The following NOS1AP variants were observed in gnomAD, a reference collection of about 807,000 sequenced individuals.
NOS1AP encodes the protein carboxyl-terminal PDZ ligand of neuronal nitric oxide synthase protein.
In NOS1AP, 21 loss-of-function variants were observed where a neutral mutation model predicts 56.2. The ratio of observed to expected loss-of-function variants is 0.37; its 90% CI spans 0.26 to 0.54. The LOEUF (loss-of-function observed/expected upper bound fraction) is 0.54. NOS1AP is among the 20% of genes least tolerant of loss of function. The pLI is 0.84. For synonymous variants in NOS1AP, 270 were observed against 274.6 expected (o/e 0.98, Z 0.17); for missense variants, 522 against 657.8 (o/e 0.79, Z 2.26).
At position 162,261,507 on chromosome 1, in the gene NOS1AP, A is replaced by AG. The variant is rs1436674936; in HGVS notation, c.178-25836dup. On this transcript the variant is annotated intron_variant, in intron 2 of 9. Coordinates refer to ENST00000361897, the MANE Select transcript of NOS1AP (RefSeq NM_014697.3). ...GAGAGAGAGAGAGAGAGAGAGAGAG[A>AG]GAGAGAGAGAGAGAGAGAGAGAGAG... 8.3e-3 allele frequency among the ~76,000 whole-genome samples: 153 copies of AG among 18,414 alleles called. 48 individuals carry two copies. The highest frequency in any genetic ancestry group is 0.016 in the African/African-American group (59 of 3,798). 12.1% of individuals were successfully genotyped at this position (18,414 alleles called of 152,430 possible).
chr1:162,211,224 A>T (rs1652339893), intron 2 of NOS1AP, among the ~76,000 whole-genome samples: 1 of 152,122 alleles, frequency 6.6e-6, no homozygotes. Flanking sequence ...TGAACAAGAG[A>T]AATTTATTTT....
intron 2 of NOS1AP, among the ~76,000 whole-genome samples, chr1:162,223,497 A>G (rs1205797790): frequency 6.6e-6 from 1 of 152,218 alleles, no homozygotes; most frequent in Non-Finnish European, 1.5e-5. Context: ...CAAGCTGAGC[A>G]TAATGTTTGG....
At chr1:162,349,198 GAA>G (rs551039040) in intron 6 of NOS1AP, among the ~76,000 whole-genome samples, 3 of 140,694 alleles carry the variant, frequency 2.1e-5, no homozygotes, top group South Asian at 2.2e-4. Context: ...CAAAAAAGGG[GAA>G]AAAAAAAAAA....
intron 2 of NOS1AP, among the ~76,000 whole-genome samples, chr1:162,195,089 A>C (rs754404657): frequency 5.9e-5 from 9 of 152,060 alleles, no homozygotes; most frequent in Non-Finnish European, 1.2e-4. Flanking sequence ...TTTTTGTAAA[A>C]TCTGCTTTCT....
intron 2 of NOS1AP, among the ~76,000 whole-genome samples, chr1:162,278,844 G>A (rs1355760192): frequency 3.3e-5 from 5 of 152,096 alleles, no homozygotes; most frequent in Non-Finnish European, 5.9e-5. Context: ...AGATTGTAAC[G>A]ATCAAATCAG....
intron 1 of NOS1AP, among the ~76,000 whole-genome samples, chr1:162,144,459 G>A (rs1649368159): frequency 6.6e-6 from 1 of 152,170 alleles, no homozygotes; most frequent in Non-Finnish European, 1.5e-5. Context: ...TTGGTTTTCT[G>A]GTGTTCTTTG....
chr1:162,255,551 G>C (rs1053983395), intron 2 of NOS1AP, among the ~76,000 whole-genome samples: 5 of 110,276 alleles, frequency 4.5e-5, no homozygotes, highest in African/African-American at 1.8e-4. Flanking sequence ...GCATTGCTCT[G>C]AGCTATCCAC....
chr1:162,258,826 A>T (rs1196876504), intron 2 of NOS1AP, among the ~76,000 whole-genome samples: 3 of 152,200 alleles, frequency 2.0e-5, no homozygotes, highest in Non-Finnish European at 2.9e-5. Context: ...TCATCATTAA[A>T]TATTGAGATT....
rs1347047228 is a variant in NOS1AP, at chr1:162,367,444, C to G, written c.1498C>G (p.Leu500Val). Reference sequence around the variant, plus strand: ...GCAGAGGCAGGAACTGGGCGACGGCCTGGATGATGAGATCGCCGTGTAGGT... The same window carrying G: ...GCAGAGGCAGGAACTGGGCGACGGCGTGGATGATGAGATCGCCGTGTAGGT... Reference protein sequence around the residue: ...VLQRQELGDGLDDEIAV With the variant: ...VLQRQELGDGVDDEIAV The change falls in exon 10 of 10, where the codon CTG becomes GTG. Residue 500 changes from leucine to valine, a missense_variant. This residue lies in a region of NOS1AP where 160 missense variants were observed against 180.3 expected (regional missense o/e 0.89). Transcript: ENST00000361897. The surrounding 1 kb of genome is among the most constrained non-coding windows in gnomAD (Gnocchi z 6.5). 1.9e-6 allele frequency: 3 copies of G among 1,570,742 alleles called. No individual in the cohort carries two copies. The highest frequency in any genetic ancestry group is 2.3e-5 in the East Asian group (1 of 43,058).
intron 2 of NOS1AP, among the ~76,000 whole-genome samples, chr1:162,211,272 G>A (rs1253892216): frequency 6.6e-6 from 1 of 152,222 alleles, no homozygotes. Context: ...AGACCAAGGT[G>A]CCAGCAGGTC....
intron 2 of NOS1AP, among the ~76,000 whole-genome samples, chr1:162,197,487 G>T (rs1651847757): frequency 6.6e-6 from 1 of 152,168 alleles, no homozygotes. Context: ...TTTCAGATCG[G>T]AGTCTCTGTG....
At chr1:162,285,613 A>T (rs940786764) in intron 2 of NOS1AP, among the ~76,000 whole-genome samples, 1 of 152,030 alleles carries the variant, frequency 6.6e-6, no homozygotes, top group Non-Finnish European at 1.5e-5. Context: ...GCAAAAAAAA[A>T]ATCCTGTCAG....
chr1:162,220,351 T>C (rs1263555211), intron 2 of NOS1AP, among the ~76,000 whole-genome samples: 1 of 152,064 alleles, frequency 6.6e-6, no homozygotes, highest in Non-Finnish European at 1.5e-5. Flanking sequence ...TATGCGTGGG[T>C]CTCGGTTGCT....
At chr1:162,288,505 C>A (rs1291047935) in intron 3 of NOS1AP, among the ~76,000 whole-genome samples, 2 of 152,172 alleles carry the variant, frequency 1.3e-5, no homozygotes, top group East Asian at 3.8e-4. Context: ...TTAAAGGGGA[C>A]TTGTCATATC....
At position 162,091,111 on chromosome 1, in the gene NOS1AP, C is replaced by T. The variant is rs138805799; in HGVS notation, c.105+20829C>T. ...ATGTGGTAGTTCTGTTTCCATCTCT[C>T]TCTTTTACCTGAGCCTTCTCTTTTC... On this transcript the variant is annotated intron_variant, in intron 1 of 9. Transcript: ENST00000361897. 8.5e-4 allele frequency among the ~76,000 whole-genome samples: 129 copies of T among 152,278 alleles called. 6 individuals carry two copies. In the East Asian group the frequency reaches 0.019, roughly 23 times the overall value.
chr1:162,085,844 C>CT (rs1205118527), intron 1 of NOS1AP, among the ~76,000 whole-genome samples: 3 of 152,118 alleles, frequency 2.0e-5, no homozygotes, highest in African/African-American at 7.2e-5. Flanking sequence ...ATACTATGTG[C>CT]TGGGCATTCT....
chr1:162,124,507 G>GTGT (rs77245896), intron 1 of NOS1AP, among the ~76,000 whole-genome samples: 123,470 of 150,502 alleles, frequency 0.82, 53,193 homozygotes, highest in East Asian at 0.99. Context: ...GTGTGTGTGT[G>GTGT]ACACACACAC....
chr1:162,127,357 T>C (rs1455036187), intron 1 of NOS1AP, among the ~76,000 whole-genome samples: 5 of 152,290 alleles, frequency 3.3e-5, no homozygotes, highest in Middle Eastern at 3.4e-3. Flanking sequence ...AAATTTGCCA[T>C]ATTTGTGTTA....
chr1:162,070,938 G>C (rs1691647151), intron 1 of NOS1AP, among the ~76,000 whole-genome samples: 1 of 152,102 alleles, frequency 6.6e-6, no homozygotes, highest in African/African-American at 2.4e-5. Flanking sequence ...ATTTAGCAGA[G>C]ATGACTGGAA....
Sources: allele counts gnomAD v4.1 joint callset (sites outside exome capture counted in the v4.1 genomes callset), GRCh38; gene constraint gnomAD v4.1.1; regional missense constraint gnomAD v4.1.1; non-coding constraint Gnocchi (gnomAD v3.1); transcripts MANE v1.5; gene names NCBI Gene and HGNC (gene_info 2026-07-23, HGNC 2026-07-21).